ZNF534: variants seen among roughly 807,000 people sequenced by gnomAD.
The protein encoded by ZNF534 is KRAB domain only 3.
ZNF534 carries 19 observed loss-of-function variants against 13.6 expected under a neutral mutation model. The observed-to-expected ratio is 1.40, with a 90% confidence interval of 0.97 to 2.05. The LOEUF is 2.05. Among genes scored for constraint, ZNF534 ranks in the 30% most tolerant of loss-of-function variants. The probability of loss-of-function intolerance (pLI) is 0.00; values close to 1 mark genes in which losing one functional copy is unlikely to be tolerated. For synonymous variants in ZNF534, 244 were observed against 273.8 expected, an observed-to-expected ratio of 0.89 and a Z score of 1.07; for missense variants, 782 against 796.3, an observed-to-expected ratio of 0.98 and a Z score of 0.22.
At chr19:52,433,055 C>T (rs769513683) in intron 2 of ZNF534, among the ~76,000 whole-genome samples, 1 of 151,738 alleles carries the variant, frequency 6.6e-6, no homozygotes, top group Non-Finnish European at 1.5e-5. Flanking sequence ...CAAGCTTGGA[C>T]AATGTGGTGA....
Position 52,441,118 on chromosome 19 carries a change from C to G in ZNF534, c.*1672C>G, listed in dbSNP as rs2608503. Among the ~76,000 whole-genome samples the G allele has an allele frequency of 3.3e-5, 5 of 151,922 alleles. No individual in the cohort carries two copies. The highest frequency in any genetic ancestry group is 3.3e-4 in the Admixed American group (5 of 15,250). On this transcript the variant is annotated 3_prime_UTR_variant, in exon 5 of 5. Coordinates refer to ENST00000433050, the MANE Select transcript of ZNF534 (RefSeq NM_001143938.3). ...ACGGGGTTTCACCATGTTAGCCAGG[C>G]TGGTCTCGATCTCCTGACCTTGTGA...
rs976599167 is a variant in ZNF534 at position 52,441,487 on chromosome 19, C to G, written c.*2041C>G. Among the ~76,000 whole-genome samples the G allele has an allele frequency of 7.2e-5, 11 of 152,172 alleles. No individual in the cohort carries two copies. The highest frequency in any genetic ancestry group is 2.4e-4 in the African/African-American group (10 of 41,440). On this transcript the variant is annotated 3_prime_UTR_variant, in exon 5 of 5. Transcript: ENST00000433050. ...TCATGTTTGCAGTACTGCACTCCAG[C>G]CTGGGTGACAGAGTGAGACCCTATC...
Position 52,435,226 on chromosome 19 carries a change from G to T in ZNF534, c.271+17G>T, listed in dbSNP as rs2059121476. The T allele has an allele frequency of 1.9e-6, 3 of 1,596,700 alleles. No homozygotes were observed. In the South Asian group the frequency reaches 3.4e-5, roughly 18 times the overall value. Reference sequence around the variant, plus strand: ...TGAACACAGGTGAGAGCTCAGGTGGGCAGAGTGGAGGCCCCATAATTTTTG... The same window carrying T: ...TGAACACAGGTGAGAGCTCAGGTGGTCAGAGTGGAGGCCCCATAATTTTTG... On this transcript the variant is annotated intron_variant, in intron 4 of 4. Transcript: ENST00000433050.
At chr19:52,451,392 C>A (rs2059215307) in exon 5 of ZNF534, 1 of 807,076 alleles carries the variant, frequency 1.2e-6, no homozygotes, top group Non-Finnish European at 2.1e-6. Flanking sequence ...GCCGAGGCCA[C>A]GGGACTCTCA....
chr19:52,437,761 G>A lies in ZNF534; in HGVS notation c.301G>A (p.Gly101Arg). The change falls in exon 5 of 5, where the codon GGA (glycine) becomes AGA (arginine). Residue 101 changes from glycine (G) to arginine (R), a missense_variant. Gly to Arg is a moderately radical substitution (Grantham distance 125, BLOSUM62 -2). This residue lies in a region of ZNF534 where 30 missense variants were observed against 55.4 expected (regional missense o/e 0.54). Transcript: ENST00000433050. ...GAGTTCTAAATTGGGAAGCAGTGCAGGAAACAAGTCACTTAAAAATCAACA... is the reference window on the plus strand; with the variant it reads ...GAGTTCTAAATTGGGAAGCAGTGCAAGAAACAAGTCACTTAAAAATCAACA... ...EKSSKLGSSA[G>R]NKSLKNQHGL... The A allele has an allele frequency of 1.3e-6, 2 of 1,593,566 alleles. No homozygotes were observed. The highest frequency in any genetic ancestry group is 2.3e-5 in the South Asian group (2 of 87,034).
At chr19:52,434,118 C>G (rs2059112225) in intron 3 of ZNF534, 37 bp downstream of exon 3, 1 of 1,590,424 alleles carries the variant, frequency 6.3e-7, no homozygotes, top group Non-Finnish European at 8.5e-7. Flanking sequence ...TGCATCTGCT[C>G]TGGTATATCT....
chr19:52,434,808 A>G (rs1434918634), intron 3 of ZNF534, among the ~76,000 whole-genome samples: 1 of 152,056 alleles, frequency 6.6e-6, no homozygotes, highest in Non-Finnish European at 1.5e-5. Flanking sequence ...TGATGGCACC[A>G]GGGCTGAAGT....
At chr19:52,433,796 AAC>A in intron 2 of ZNF534, 157 bp from the exon 3 acceptor site, 1 of 801,086 alleles carries the variant, frequency 1.2e-6, no homozygotes, top group South Asian at 1.4e-5. Flanking sequence ...AGTATAATAA[AAC>A]ACAATCACAG....
rs2059148303 is a variant in ZNF534, at chr19:52,438,700, GA to G, written c.1242del (p.Glu414AspfsTer17). ...TGGGGGGAGGCGTTACAAATGTAAT[GA>G]ATGTGGCAAAGCATTTAGAACGTGT... The part of the protein sequence containing the change: ...HTGGRRYKCN[E>X]CGKAFRTCSD... On this transcript the variant is annotated frameshift_variant, in exon 5 of 5. Coordinates refer to ENST00000433050, the MANE Select transcript of ZNF534 (RefSeq NM_001143938.3). LOFTEE classifies it low-confidence loss of function (END_TRUNC). 1 of 1,583,500 alleles carries G rather than the reference GA, an allele frequency of 6.3e-7. No homozygotes were observed. Among genetic ancestry groups the G allele is most frequent in the African/African-American group, 1.4e-5 (1 of 73,874 alleles).
chr19:52,447,396 T>C (rs1189276912), downstream of ZNF534, among the ~76,000 whole-genome samples: 1 of 152,222 alleles, frequency 6.6e-6, no homozygotes, highest in Non-Finnish European at 1.5e-5. Flanking sequence ...CAATTTCTAA[T>C]GGTATGGCAA....
rs1236935134 is a variant in ZNF534, at chr19:52,438,951, T to C, written c.1491T>C (p.Asn497=). ...CTGGAGAGAAGCTTTACAAATGTAA[T>C]GAATGTGGCAAGGTCTTCCGTCAGA... is the stretch of plus-strand genomic sequence containing the variant. ...IHTGEKLYKC[N]ECGKVFRQNS... The change falls in exon 5 of 5, where the codon AAT becomes AAC. Residue 497 remains asparagine (N), a synonymous_variant. Transcript: ENST00000433050. The C allele has an allele frequency of 6.2e-7, 1 of 1,604,538 alleles. No individual in the cohort carries two copies. Among genetic ancestry groups the C allele is most frequent in the South Asian group, 1.1e-5 (1 of 90,198 alleles).
Position 52,438,424 on chromosome 19 carries a change from G to A in ZNF534, c.964G>A (p.Gly322Arg). The A allele has an allele frequency of 1.2e-6, 2 of 1,613,420 alleles. No homozygotes were observed. The highest frequency in any genetic ancestry group is 1.7e-5 in the Admixed American group (1 of 59,874). The change falls in exon 5 of 5, where the codon GGA becomes AGA. Residue 322 changes from glycine to arginine, a missense_variant. Physicochemically the swap from Gly to Arg is moderately radical, Grantham distance 125. Around this residue, in one of 5 missense-constraint regions of ZNF534, gnomAD observed 591 missense variants for 574.0 expected, o/e 1.03. Coordinates refer to ENST00000433050, the MANE Select transcript of ZNF534 (RefSeq NM_001143938.3). ...SLTAHLVIHT[G>R]EKPYDCKECG... ...TACTGCTCATCTTGTAATCCATACT[G>A]GAGAGAAACCTTATGATTGTAAGGA... is the stretch of plus-strand genomic sequence containing the variant.
At chr19:52,435,699 A>G (rs1465025266) in intron 4 of ZNF534, among the ~76,000 whole-genome samples, 1 of 151,478 alleles carries the variant, frequency 6.6e-6, no homozygotes, top group Non-Finnish European at 1.5e-5. Flanking sequence ...GAGATGGAGT[A>G]TTGCCATATT....
chr19:52,451,930 C>A, exon 5 of ZNF534: 1 of 445,008 alleles, frequency 2.2e-6, no homozygotes. Context: ...TTTGGCTCTA[C>A]CGGAAAGAAT....
At chr19:52,450,669 AGTTTTTTTTTTTTTTGTTTTTGTTTTT>A (rs1211270613) in intron 4 of ZNF534, among the ~76,000 whole-genome samples, 1 of 66,928 alleles carries the variant, frequency 1.5e-5, no homozygotes, top group African/African-American at 8.0e-5. Context: ...GAATTTTAGG[AGTTTTTTTTTTTTTTGTTTTTGTTTTT>A]GTTTTTTTTT....
At chr19:52,433,528 G>C (rs910664370) in intron 2 of ZNF534, among the ~76,000 whole-genome samples, 1 of 151,882 alleles carries the variant, frequency 6.6e-6, no homozygotes, top group African/African-American at 2.4e-5. Flanking sequence ...CACCGCGCCT[G>C]GCTAATTTTT....
chr19:52,443,570 C>T (rs147187301), downstream of ZNF534, among the ~76,000 whole-genome samples: 999 of 152,026 alleles, frequency 6.6e-3, 12 homozygotes, highest in African/African-American at 0.022. Context: ...GCCAATATGG[C>T]GAAACCCCAT....
downstream of ZNF534, among the ~76,000 whole-genome samples, chr19:52,446,850 CCT>C (rs1401500837): frequency 6.6e-6 from 1 of 152,138 alleles, no homozygotes; most frequent in Non-Finnish European, 1.5e-5. Flanking sequence ...AGAGCAAGAT[CCT>C]GTCTCACACA....
intron 1 of ZNF534, among the ~76,000 whole-genome samples, chr19:52,430,182 G>A (rs911513154): frequency 6.6e-6 from 1 of 151,006 alleles, no homozygotes; most frequent in Non-Finnish European, 1.5e-5. Context: ...CGGCCGGCTA[G>A]TTTTTATATT....
Sources: allele counts gnomAD v4.1 joint callset (sites outside exome capture counted in the v4.1 genomes callset), GRCh38; gene constraint gnomAD v4.1.1; regional missense constraint gnomAD v4.1.1; transcripts MANE v1.5; gene names NCBI Gene and HGNC (gene_info 2026-07-23, HGNC 2026-07-21).